SPACA6: variants seen among roughly 807,000 people sequenced by gnomAD.
SPACA6 encodes sperm acrosome associated 6, also known as sperm acrosome membrane-associated protein 6.
For missense variants in SPACA6, 8 were observed against 2.8 expected, an observed-to-expected ratio of 2.88 and a Z score of -1.34; for synonymous variants, 6 against 1.5, an observed-to-expected ratio of 4.05 and a Z score of -2.21.
upstream of SPACA6, among the ~76,000 whole-genome samples, chr19:51,690,182 C>A (rs974493734): frequency 6.6e-6 from 1 of 151,848 alleles, no homozygotes; most frequent in South Asian, 2.1e-4. Flanking sequence ...TGGGAGTACA[C>A]CACCCAGTCC....
At chr19:51,684,886 C>T (rs1283684691), upstream of SPACA6, among the ~76,000 whole-genome samples, 2 of 152,118 alleles carry the variant, frequency 1.3e-5, no homozygotes, top group African/African-American at 4.8e-5. Context: ...GATTATCCCA[C>T]CTGCAGGGAT....
rs2122225266 is a variant in SPACA6, at chr19:51,703,986, G to A, written c.574-44G>A. ...GGGGGCGGGGCTTGTAGGTTACTCA[G>A]TGGCAAGCCGGAGTTGAGGCGTTTA... On this transcript the variant is annotated intron_variant, in intron 6 of 8. Coordinates refer to ENST00000637797, the MANE Select transcript of SPACA6 (RefSeq NM_001316972.2). This position sits in a 1 kb window ranked among gnomAD's most constrained non-coding sequence, Gnocchi z 4.2. The A allele has an allele frequency of 2.5e-6, 1 of 400,410 alleles. No individual in the cohort carries two copies. Among genetic ancestry groups the A allele is most frequent in the East Asian group, 3.6e-5 (1 of 28,036 alleles). 24.8% of individuals were successfully genotyped at this position (400,410 alleles called of 1,614,324 possible).
At chr19:51,702,548 C>G (rs990901416) in intron 3 of SPACA6, 81 bp from the exon 4 acceptor site, 7 of 396,802 alleles carry the variant, frequency 1.8e-5, no homozygotes, top group Non-Finnish European at 2.7e-5. Context: ...TGCTTCGGGC[C>G]TTGTAACATT....
At chr19:51,689,658 C>T (rs1466171793), upstream of SPACA6, 1 of 86,114 alleles carries the variant, frequency 1.2e-5, no homozygotes, top group Non-Finnish European at 2.1e-5. Context: ...ACCCGGGGGC[C>T]TGGATTTCAG....
chr19:51,695,426 G>T lies in SPACA6; in HGVS notation c.292+871G>T, dbSNP rs79316625. Reference sequence around the variant, plus strand: ...ATAGAATAAACTGGCTTCCTCTTAGGTCCAGGAGCTCAGGGCTTATTCCCA... The same window carrying T: ...ATAGAATAAACTGGCTTCCTCTTAGTTCCAGGAGCTCAGGGCTTATTCCCA... On this transcript the variant is annotated intron_variant, in intron 2 of 8. Transcript: ENST00000637797. 5.9e-5 allele frequency among the ~76,000 whole-genome samples: 9 copies of T among 152,178 alleles called. 1 individual carries two copies. Among genetic ancestry groups the T allele is most frequent in the African/African-American group, 2.2e-4 (9 of 41,424 alleles).
upstream of SPACA6, chr19:51,688,452 G>A (rs941293576): frequency 5.9e-5 from 9 of 152,410 alleles, no homozygotes; most frequent in African/African-American, 2.2e-4. Flanking sequence ...ACCCGGGATT[G>A]GGACTGTCTG....
chr19:51,699,900 T>A (rs1388905002), intron 2 of SPACA6, among the ~76,000 whole-genome samples: 1 of 152,056 alleles, frequency 6.6e-6, no homozygotes, highest in African/African-American at 2.4e-5. Context: ...AAGTCAGCTG[T>A]CTATTCTTAT....
chr19:51,710,771 G>T (rs1208047584), intron 2 of SPACA6, among the ~76,000 whole-genome samples: 1 of 152,190 alleles, frequency 6.6e-6, no homozygotes, highest in Non-Finnish European at 1.5e-5. Context: ...GGAAAGCAAG[G>T]TAGCTGTGGC....
At chr19:51,707,720 C>T (rs35653323), downstream of SPACA6, among the ~76,000 whole-genome samples, 62 of 152,270 alleles carry the variant, frequency 4.1e-4, no homozygotes, top group African/African-American at 1.5e-3. Context: ...AGACTGCCCC[C>T]ACTTCAGACA....
chr19:51,711,451 C>T (rs768259120), intron 2 of SPACA6, among the ~76,000 whole-genome samples: 17 of 152,108 alleles, frequency 1.1e-4, no homozygotes, highest in African/African-American at 1.9e-4. Context: ...GAATGTAAAA[C>T]GGTACAGTCC....
intron 2 of SPACA6, among the ~76,000 whole-genome samples, chr19:51,700,004 A>G (rs1016728658): frequency 5.3e-5 from 8 of 152,216 alleles, no homozygotes; most frequent in African/African-American, 1.9e-4. Flanking sequence ...CTGTAATCCC[A>G]GCACTTTGGG....
Position 51,703,452 on chromosome 19 carries a change from C to A in SPACA6, c.573+115C>A, listed in dbSNP as rs376500908. 2.1e-4 allele frequency: 85 copies of A among 397,470 alleles called. No individual in the cohort carries two copies. In the South Asian group the frequency reaches 0.011, roughly 52 times the overall value. The allele number at this position is 397,470 out of a possible 1,614,324, so 24.6% of individuals were successfully genotyped here. ...CCGGGAATCTCCGTCTAGACACAAG[C>A]ATCAGCAAGAGGAGGGTCGCGGGAT... On this transcript the variant is annotated intron_variant, in intron 6 of 8. Transcript: ENST00000637797. The surrounding 1 kb of genome is among the most constrained non-coding windows in gnomAD (Gnocchi z 4.2).
At chr19:51,702,934 C>A (rs539284718) in intron 4 of SPACA6, 87 bp from the exon 5 acceptor site, 1 of 399,142 alleles carries the variant, frequency 2.5e-6, no homozygotes, top group South Asian at 1.3e-4. Context: ...CGATGGACCC[C>A]GGGAAGCTGC....
chr19:51,695,916 G>A (rs1568616584), intron 2 of SPACA6, among the ~76,000 whole-genome samples: 1 of 152,316 alleles, frequency 6.6e-6, no homozygotes, highest in South Asian at 2.1e-4. Flanking sequence ...ATCTGAGACA[G>A]GTCCTGCTCT....
intron 2 of SPACA6, 28 bp from the exon 3 acceptor site, chr19:51,701,630 A>G (rs1273903716): frequency 2.5e-6 from 1 of 398,496 alleles, no homozygotes; most frequent in African/African-American, 2.1e-5. Context: ...GCTTTACTAC[A>G]CAGGCCGTCC....
chr19:51,694,599 C>T (rs755060760), intron 2 of SPACA6, 44 bp downstream of exon 2: 4 of 399,296 alleles, frequency 1.0e-5, no homozygotes, highest in Non-Finnish European at 1.8e-5. Context: ...GGACTTGGAG[C>T]CCCTAAGAAA....
At chr19:51,711,409 G>A (rs973738082) in intron 2 of SPACA6, among the ~76,000 whole-genome samples, 3 of 152,226 alleles carry the variant, frequency 2.0e-5, no homozygotes, top group African/African-American at 7.2e-5. Flanking sequence ...CAAGGGTGTA[G>A]AGAAATTAGA....
intron 2 of SPACA6, among the ~76,000 whole-genome samples, chr19:51,710,948 C>G (rs1292042715): frequency 6.6e-6 from 1 of 152,154 alleles, no homozygotes; most frequent in Non-Finnish European, 1.5e-5. Flanking sequence ...GGTGTGGTGG[C>G]ACATGCCTGT....
downstream of SPACA6, among the ~76,000 whole-genome samples, chr19:51,707,226 CT>C (rs2083520066): frequency 1.5e-5 from 2 of 137,806 alleles, no homozygotes; most frequent in South Asian, 2.4e-4. Context: ...GTTTCTCTCT[CT>C]CCCTTTTTTT....
Sources: gnomAD v4.1 joint callset for allele counts (sites outside exome capture counted in the v4.1 genomes callset) on GRCh38, gnomAD v4.1.1 for gene constraint, Gnocchi (gnomAD v3.1) non-coding constraint, MANE v1.5 for transcripts, NCBI Gene and HGNC (gene_info 2026-07-23, HGNC 2026-07-21) for gene names.